The following NUDT3 variants were observed in gnomAD, a reference collection of about 807,000 sequenced individuals.
The protein encoded by NUDT3 is nudix hydrolase 3, also known as diphosphoinositol polyphosphate phosphohydrolase 1.
NUDT3 carries 9 observed loss-of-function variants against 23.6 expected under a neutral mutation model. The ratio of observed to expected loss-of-function variants is 0.38; its 90% CI spans 0.23 to 0.66. The LOEUF (loss-of-function observed/expected upper bound fraction) is 0.66. Among genes scored for constraint, NUDT3 ranks in the 30% least tolerant of loss-of-function variants. NUDT3 has a pLI of 0.52. For synonymous variants in NUDT3, 86 were observed against 82.6 expected (o/e 1.04, Z -0.22); for missense variants, 172 against 218.5 (o/e 0.79, Z 1.34).
intron 2 of NUDT3, among the ~76,000 whole-genome samples, chr6:34,341,038 C>A (rs1561912063): frequency 6.6e-6 from 1 of 152,124 alleles, no homozygotes; most frequent in Non-Finnish European, 1.5e-5. Context: ...ATCTTATATT[C>A]CCTCTGGAAC....
chr6:34,330,622 C>T (rs756480455), intron 2 of NUDT3, among the ~76,000 whole-genome samples: 1 of 151,898 alleles, frequency 6.6e-6, no homozygotes, highest in Non-Finnish European at 1.5e-5. Context: ...CATGGTGGAA[C>T]CCCAGCTCTA....
intron 2 of NUDT3, among the ~76,000 whole-genome samples, chr6:34,319,573 T>C (rs1171973511): frequency 6.6e-6 from 1 of 152,172 alleles, no homozygotes; most frequent in Non-Finnish European, 1.5e-5. Flanking sequence ...ACCCAGAAGC[T>C]CCCTGAACTC....
chr6:34,353,005 A>C (rs1182916555), intron 1 of NUDT3, among the ~76,000 whole-genome samples: 3 of 152,210 alleles, frequency 2.0e-5, no homozygotes, highest in African/African-American at 7.2e-5. Context: ...TTTTTTTAAT[A>C]GTACATAATG....
chr6:34,357,976 A>T (rs886811293), intron 1 of NUDT3, among the ~76,000 whole-genome samples: 3 of 152,192 alleles, frequency 2.0e-5, no homozygotes, highest in African/African-American at 7.2e-5. Flanking sequence ...TATTCTGATT[A>T]TAAATATGAG....
chr6:34,334,241 T>C (rs1266510252), intron 2 of NUDT3, among the ~76,000 whole-genome samples: 12 of 152,206 alleles, frequency 7.9e-5, no homozygotes, highest in Admixed American at 5.2e-4. Context: ...AAAGGGCACA[T>C]TGCAGTTGCA....
intron 1 of NUDT3, among the ~76,000 whole-genome samples, chr6:34,367,466 G>A (rs1197855780): frequency 6.6e-6 from 1 of 150,380 alleles, no homozygotes. Context: ...TGGACGACAA[G>A]AGTGAGACTC....
At chr6:34,340,756 C>A (rs149786164) in intron 2 of NUDT3, among the ~76,000 whole-genome samples, 34 of 152,302 alleles carry the variant, frequency 2.2e-4, no homozygotes, top group African/African-American at 7.9e-4. Flanking sequence ...TTTCTGTTCA[C>A]CTAGCTGTGT....
chr6:34,326,071 T>C (rs1764023698), intron 2 of NUDT3, among the ~76,000 whole-genome samples: 1 of 150,978 alleles, frequency 6.6e-6, no homozygotes, highest in Non-Finnish European at 1.5e-5. Context: ...ACATGTACAT[T>C]GTTATTAGGA....
At chr6:34,342,530 G>A (rs949359129) in intron 1 of NUDT3, among the ~76,000 whole-genome samples, 8 of 152,142 alleles carry the variant, frequency 5.3e-5, no homozygotes, top group African/African-American at 1.9e-4. Flanking sequence ...TTGGCCACAT[G>A]AGAAGTAGAA....
chr6:34,312,876 C>T (rs552419443), intron 2 of NUDT3, among the ~76,000 whole-genome samples: 1 of 152,234 alleles, frequency 6.6e-6, no homozygotes, highest in African/African-American at 2.4e-5. Context: ...TATGTAAGGA[C>T]ATGGAGAGGG....
Position 34,372,048 on chromosome 6 carries a change from C to G in NUDT3, c.99+20216G>C, listed in dbSNP as rs140318607. Among the ~76,000 whole-genome samples the G allele has an allele frequency of 8.6e-3, 1,299 of 151,912 alleles. 10 individuals carry two copies. The highest frequency in any genetic ancestry group is 0.017 in the South Asian group (83 of 4,814). Reference sequence around the variant, plus strand: ...TCAGAATGATGGTTTCCAGCTTCACCCGTGTCCCTACAAAGGACATGAACT... The same window carrying G: ...TCAGAATGATGGTTTCCAGCTTCACGCGTGTCCCTACAAAGGACATGAACT... On this transcript the variant is annotated intron_variant, in intron 1 of 4. Coordinates refer to ENST00000607016, the MANE Select transcript of NUDT3 (RefSeq NM_006703.4).
At chr6:34,369,052 T>C (rs1427250063) in intron 1 of NUDT3, among the ~76,000 whole-genome samples, 3 of 152,238 alleles carry the variant, frequency 2.0e-5, no homozygotes, top group Non-Finnish European at 4.4e-5. Flanking sequence ...ATTAGTTCTA[T>C]ACTGTTTATT....
chr6:34,310,855 CAATT>C (rs891866565), intron 2 of NUDT3, among the ~76,000 whole-genome samples: 7 of 152,014 alleles, frequency 4.6e-5, no homozygotes, highest in Non-Finnish European at 1.0e-4. Flanking sequence ...GTTCAATAAT[CAATT>C]AATGTATTCC....
chr6:34,385,926 C>A (rs994558142), intron 1 of NUDT3, among the ~76,000 whole-genome samples: 1 of 152,150 alleles, frequency 6.6e-6, no homozygotes, highest in Non-Finnish European at 1.5e-5. Context: ...TCATGTGATC[C>A]GCCCACCTTG....
chr6:34,282,178 G>T lies in NUDT3; in HGVS notation c.*6575C>A, dbSNP rs1455191786. 1 of 152,126 alleles carries T rather than the reference G, an allele frequency of 6.6e-6. No homozygotes were observed. The highest frequency in any genetic ancestry group is 1.5e-5 in the Non-Finnish European group (1 of 68,028). 9.4% of individuals were successfully genotyped at this position (152,126 alleles called of 1,614,324 possible). On this transcript the variant is annotated 3_prime_UTR_variant, in exon 5 of 5. Coordinates refer to ENST00000607016, the MANE Select transcript of NUDT3 (RefSeq NM_006703.4). ...GTGACACATTTTCTCCACAACAAAG[G>T]GAGGTTAAAGACAAAGGTTTAACCT...
chr6:34,358,258 TACACACACACACACAC>T (rs71538235), intron 1 of NUDT3, among the ~76,000 whole-genome samples: 1 of 144,602 alleles, frequency 6.9e-6, no homozygotes, highest in Admixed American at 6.9e-5. Flanking sequence ...ATGAGTAGTT[TACACACACACACACAC>T]ACACACACAC....
intron 2 of NUDT3, among the ~76,000 whole-genome samples, chr6:34,320,709 A>G (rs1763928094): frequency 6.6e-6 from 1 of 152,082 alleles, no homozygotes; most frequent in Non-Finnish European, 1.5e-5. Context: ...GGTGGCATGC[A>G]CTTGTGGTCC....
chr6:34,326,921 T>C (rs1764040921), intron 2 of NUDT3, among the ~76,000 whole-genome samples: 1 of 151,886 alleles, frequency 6.6e-6, no homozygotes. Flanking sequence ...TGACGGGTGT[T>C]CTCCCCGTGT....
At chr6:34,291,241 G>C (rs1241694767) in intron 4 of NUDT3, among the ~76,000 whole-genome samples, 1 of 151,984 alleles carries the variant, frequency 6.6e-6, no homozygotes, top group Non-Finnish European at 1.5e-5. Context: ...TTACAAACGT[G>C]ATCCACCATG....
Sources: gnomAD v4.1 joint callset for allele counts (sites outside exome capture counted in the v4.1 genomes callset) on GRCh38, gnomAD v4.1.1 for gene constraint, MANE v1.5 for transcripts, NCBI Gene and HGNC (gene_info 2026-07-23, HGNC 2026-07-21) for gene names.